Variants in LRRC4C observed in about 807,000 individuals in gnomAD.
LRRC4C encodes the protein leucine rich repeat containing 4C, also known as leucine-rich repeat-containing protein 4C.
LRRC4C carries 5 observed loss-of-function variants against 33.6 expected under a neutral mutation model. The observed-to-expected ratio is 0.15, with a 90% confidence interval of 0.08 to 0.31. LRRC4C has a LOEUF of 0.31. Ranked by LOEUF, LRRC4C falls within the 10% of genes least tolerant of loss-of-function variation. The pLI is 1.00. For synonymous variants in LRRC4C, 329 were observed against 302.0 expected, an observed-to-expected ratio of 1.09 and a Z score of -0.93; for missense variants, 560 against 796.7, an observed-to-expected ratio of 0.70 and a Z score of 3.58.
chr11:40,959,477 T>C (rs1050843563), intron 1 of LRRC4C, among the ~76,000 whole-genome samples: 2 of 151,670 alleles, frequency 1.3e-5, no homozygotes, highest in Non-Finnish European at 3.0e-5. Context: ...TGCGTATCAA[T>C]GGACATAATT....
intron 1 of LRRC4C, among the ~76,000 whole-genome samples, chr11:41,207,254 G>T (rs1380364099): frequency 6.6e-6 from 1 of 152,098 alleles, no homozygotes; most frequent in South Asian, 2.1e-4. Flanking sequence ...GGAAGACTCT[G>T]ATTTCCATGT....
chr11:41,224,921 T>A (rs373771349), intron 1 of LRRC4C, among the ~76,000 whole-genome samples: 3 of 152,160 alleles, frequency 2.0e-5, no homozygotes, highest in Non-Finnish European at 4.4e-5. Context: ...GTGGTACTTA[T>A]ATGCAATGGA....
chr11:40,839,466 G>A (rs571137455), intron 2 of LRRC4C, among the ~76,000 whole-genome samples: 32 of 152,166 alleles, frequency 2.1e-4, no homozygotes, highest in Admixed American at 2.0e-3. Flanking sequence ...GGCTGGTCTC[G>A]AACTGCTGAC....
intron 1 of LRRC4C, among the ~76,000 whole-genome samples, chr11:41,015,691 T>A (rs1254450661): frequency 6.6e-6 from 1 of 152,130 alleles, no homozygotes; most frequent in Non-Finnish European, 1.5e-5. Context: ...CTCATATAAT[T>A]TAAATTTGGA....
intron 1 of LRRC4C, among the ~76,000 whole-genome samples, chr11:41,288,068 C>A (rs1039045991): frequency 7.2e-5 from 11 of 152,110 alleles, no homozygotes; most frequent in African/African-American, 2.4e-4. Flanking sequence ...TTACTCTGTG[C>A]CAGGTTCTCT....
chr11:41,322,583 T>C (rs1429584732), intron 1 of LRRC4C, among the ~76,000 whole-genome samples: 5 of 152,182 alleles, frequency 3.3e-5, no homozygotes, highest in African/African-American at 1.2e-4. Flanking sequence ...TGTTTTGTTG[T>C]GTCCAATGCA....
intron 6 of LRRC4C, among the ~76,000 whole-genome samples, chr11:40,128,074 C>T (rs528273315): frequency 8.6e-5 from 13 of 152,026 alleles, no homozygotes; most frequent in African/African-American, 2.2e-4. Context: ...TAAAATGCCC[C>T]GGAGGGTTGG....
chr11:40,671,615 A>G lies in LRRC4C; in HGVS notation c.-406-23337T>C, dbSNP rs371850296. Reference sequence around the variant, plus strand: ...GAACTCTCTTACCCAATGCCGCTTAATGTCTCATTCCTTCATTCTTGTCCT... The same window carrying G: ...GAACTCTCTTACCCAATGCCGCTTAGTGTCTCATTCCTTCATTCTTGTCCT... On this transcript the variant is annotated intron_variant, in intron 2 of 6. Transcript: ENST00000528697. 4.0e-5 allele frequency among the ~76,000 whole-genome samples: 6 copies of G among 149,072 alleles called. No homozygotes were observed. In the East Asian group the frequency reaches 1.0e-3, roughly 25 times the overall value.
At chr11:41,445,936 T>A (rs1191299827) in intron 1 of LRRC4C, among the ~76,000 whole-genome samples, 1 of 150,096 alleles carries the variant, frequency 6.7e-6, no homozygotes, top group Non-Finnish European at 1.5e-5. Context: ...GGGGAAAATG[T>A]GTTTCCTTTT....
At chr11:40,350,400 T>C (rs182704199) in intron 3 of LRRC4C, among the ~76,000 whole-genome samples, 3 of 152,116 alleles carry the variant, frequency 2.0e-5, no homozygotes, top group African/African-American at 7.2e-5. Flanking sequence ...TCACGGCAGA[T>C]GTATGGATTT....
intron 3 of LRRC4C, among the ~76,000 whole-genome samples, chr11:40,411,999 A>G (rs931225731): frequency 2.6e-5 from 4 of 152,008 alleles, no homozygotes; most frequent in Non-Finnish European, 5.9e-5. Flanking sequence ...TGTTAAAAAT[A>G]TATGAAAATA....
chr11:41,322,730 AC>A (rs2137285767), intron 1 of LRRC4C, among the ~76,000 whole-genome samples: 1 of 152,268 alleles, frequency 6.6e-6, no homozygotes, highest in Non-Finnish European at 1.5e-5. Context: ...TTTTTGAGTT[AC>A]CTATTCAGCG....
intron 3 of LRRC4C, among the ~76,000 whole-genome samples, chr11:40,507,140 A>T (rs911779593): frequency 4.6e-5 from 7 of 152,112 alleles, no homozygotes; most frequent in Non-Finnish European, 1.5e-5. Flanking sequence ...GAAAAACCAA[A>T]ACCTTTAAAA....
intron 3 of LRRC4C, among the ~76,000 whole-genome samples, chr11:40,352,121 TC>T (rs1475890991): frequency 1.5e-4 from 3 of 19,756 alleles, no homozygotes; most frequent in Non-Finnish European, 3.7e-4. Flanking sequence ...CTTCCTTCCT[TC>T]CTTCCTTCCT....
intron 3 of LRRC4C, among the ~76,000 whole-genome samples, chr11:40,592,142 C>A (rs78985975): frequency 0.12 from 18,175 of 152,248 alleles, 1,225 homozygotes; most frequent in Middle Eastern, 0.16. Context: ...GAAAGCAGCC[C>A]TCCCCTTTTG....
intron 1 of LRRC4C, among the ~76,000 whole-genome samples, chr11:41,412,637 C>T (rs1270926271): frequency 6.6e-6 from 1 of 152,198 alleles, no homozygotes; most frequent in Admixed American, 6.5e-5. Flanking sequence ...GACCCACTTA[C>T]CTGTATCATT....
intron 1 of LRRC4C, among the ~76,000 whole-genome samples, chr11:41,109,716 C>T (rs1941719393): frequency 6.6e-6 from 1 of 151,872 alleles, no homozygotes; most frequent in Admixed American, 6.6e-5. Flanking sequence ...AAAATGAGTC[C>T]AAGGAATTTT....
Position 40,351,279 on chromosome 11 carries a change from T to A in LRRC4C, c.-269-31558A>T, listed in dbSNP as rs867951744. Among the ~76,000 whole-genome samples the A allele has an allele frequency of 3.3e-5, 5 of 152,168 alleles. No homozygotes were observed. The South Asian group carries it at 1.0e-3, about 32-fold the overall frequency. ...GCCAAATAAGATACTTGATATGATTTTTTTTTTTTGAAATTTTAAAGACTT... is the reference window on the plus strand; with the variant it reads ...GCCAAATAAGATACTTGATATGATTATTTTTTTTTGAAATTTTAAAGACTT... On this transcript the variant is annotated intron_variant, in intron 3 of 6. Transcript: ENST00000528697.
chr11:40,199,577 G>A (rs1331312421), intron 5 of LRRC4C, among the ~76,000 whole-genome samples: 2 of 152,150 alleles, frequency 1.3e-5, no homozygotes, highest in African/African-American at 4.8e-5. Context: ...TTGAGCAGAT[G>A]AGTGGATTTC....
Sources: gnomAD v4.1 joint callset for allele counts (sites outside exome capture counted in the v4.1 genomes callset) on GRCh38, gnomAD v4.1.1 for gene constraint, MANE v1.5 for transcripts, NCBI Gene and HGNC (gene_info 2026-07-23, HGNC 2026-07-21) for gene names.